ADGRL3: variants seen among roughly 807,000 people sequenced by gnomAD.
The protein encoded by ADGRL3 is calcium-independent alpha-latrotoxin receptor 3.
ADGRL3 carries 62 observed loss-of-function variants against 153.5 expected under a neutral mutation model. The ratio of observed to expected loss-of-function variants is 0.40; its 90% confidence interval spans 0.33 to 0.50. The LOEUF (loss-of-function observed/expected upper bound fraction) is 0.50. ADGRL3 is among the 20% of genes least tolerant of loss of function. ADGRL3 has a pLI of 0.47. For synonymous variants in ADGRL3, 710 were observed against 672.5 expected (o/e 1.06, Z -0.86); for missense variants, 1,641 against 1,859.4 (o/e 0.88, Z 2.16).
chr4:61,872,661 A>T (rs1416050517), intron 9 of ADGRL3, among the ~76,000 whole-genome samples: 1 of 151,664 alleles, frequency 6.6e-6, no homozygotes, highest in Non-Finnish European at 1.5e-5. Flanking sequence ...TGTTTAAAAA[A>T]AAAAAAAGAA....
At chr4:61,309,656 A>G (rs1393267671) in intron 1 of ADGRL3, among the ~76,000 whole-genome samples, 1 of 152,120 alleles carries the variant, frequency 6.6e-6, no homozygotes, top group African/African-American at 2.4e-5. Flanking sequence ...TTAGAGTCTT[A>G]ATTTTTAGAT....
intron 5 of ADGRL3, among the ~76,000 whole-genome samples, chr4:61,614,273 A>C (rs762640677): frequency 6.9e-4 from 105 of 152,276 alleles, no homozygotes; most frequent in Middle Eastern, 6.8e-3. Context: ...ACCTCAAAAA[A>C]ATTGAATTTA....
chr4:61,370,435 G>T (rs1271949336), intron 1 of ADGRL3, among the ~76,000 whole-genome samples: 7 of 151,650 alleles, frequency 4.6e-5, no homozygotes, highest in African/African-American at 1.7e-4. Context: ...TTGTGTCTTT[G>T]TTCTCGTTGG....
chr4:61,456,062 C>T (rs1029632298), intron 2 of ADGRL3, among the ~76,000 whole-genome samples: 5 of 151,806 alleles, frequency 3.3e-5, no homozygotes, highest in African/African-American at 7.3e-5. Context: ...GTTATCCACC[C>T]GCCTTGATCT....
At chr4:61,912,590 C>T in intron 12 of ADGRL3, 129 bp from the exon 13 acceptor site, 1 of 760,624 alleles carries the variant, frequency 1.3e-6, no homozygotes, top group Non-Finnish European at 2.1e-6. Context: ...CTTTCATTTT[C>T]TTCTGAAAAG....
chr4:61,231,984 T>C (rs1750848417), intron 1 of ADGRL3, among the ~76,000 whole-genome samples: 1 of 151,658 alleles, frequency 6.6e-6, no homozygotes, highest in Admixed American at 6.6e-5. Flanking sequence ...GAAGCATTAC[T>C]AGATAGATAA....
chr4:61,763,961 A>G (rs1184166188), intron 8 of ADGRL3, among the ~76,000 whole-genome samples: 1 of 152,182 alleles, frequency 6.6e-6, no homozygotes, highest in Non-Finnish European at 1.5e-5. Context: ...AATAACTCAG[A>G]ATACATAGCT....
At chr4:61,361,933 A>G (rs935382140) in intron 1 of ADGRL3, among the ~76,000 whole-genome samples, 1 of 150,764 alleles carries the variant, frequency 6.6e-6, no homozygotes, top group African/African-American at 2.4e-5. Context: ...GAACTGTAGT[A>G]TAACAGTTCT....
intron 2 of ADGRL3, among the ~76,000 whole-genome samples, chr4:61,411,126 G>A (rs908912370): frequency 1.3e-5 from 2 of 152,134 alleles, no homozygotes; most frequent in Non-Finnish European, 2.9e-5. Context: ...CATGATGTCA[G>A]CTCTGTCTAT....
chr4:61,719,001 A>G (rs1014324272), intron 6 of ADGRL3, among the ~76,000 whole-genome samples: 3 of 152,212 alleles, frequency 2.0e-5, no homozygotes, highest in Admixed American at 1.3e-4. Flanking sequence ...GAGGGAAAGC[A>G]TACTTTATGC....
chr4:61,392,778 T>C (rs1340143730), intron 2 of ADGRL3, among the ~76,000 whole-genome samples: 1 of 149,928 alleles, frequency 6.7e-6, no homozygotes, highest in Admixed American at 6.7e-5. Flanking sequence ...CTAACAAATT[T>C]GGTCATCTAG....
At chr4:61,921,604 C>A (rs2098769616) in intron 13 of ADGRL3, among the ~76,000 whole-genome samples, 1 of 152,134 alleles carries the variant, frequency 6.6e-6, no homozygotes, top group Non-Finnish European at 1.5e-5. Flanking sequence ...GACAGGGTTT[C>A]ACTATGTTGG....
rs1002509470 is a variant in ADGRL3, at chr4:62,074,083, A to AT, written c.*3181dup. The AT allele has an allele frequency of 1.4e-5, 2 of 147,590 alleles. No homozygotes were observed. Among genetic ancestry groups the AT allele is most frequent in the East Asian group, 3.9e-4 (2 of 5,148 alleles). 9.1% of individuals were successfully genotyped at this position (147,590 alleles called of 1,614,324 possible). On this transcript the variant is annotated 3_prime_UTR_variant, in exon 27 of 27. Coordinates refer to ENST00000683033, the MANE Select transcript of ADGRL3 (RefSeq NM_001387552.1). Reference sequence around the variant, plus strand: ...AGAGCTATTGATGAATTAATTAATGATTTTTTAATTGTTCTTTTTTCTACC... The same window carrying AT: ...AGAGCTATTGATGAATTAATTAATGATTTTTTTAATTGTTCTTTTTTCTACC...
intron 8 of ADGRL3, among the ~76,000 whole-genome samples, chr4:61,801,142 T>G (rs748059925): frequency 1.3e-5 from 2 of 152,162 alleles, no homozygotes; most frequent in Non-Finnish European, 2.9e-5. Context: ...GGCTCTTCTG[T>G]AAAGATAATC....
intron 2 of ADGRL3, among the ~76,000 whole-genome samples, chr4:61,402,502 A>C (rs1200089880): frequency 6.6e-6 from 1 of 152,116 alleles, no homozygotes; most frequent in Non-Finnish European, 1.5e-5. Context: ...TGGACAGATC[A>C]ACTTAAAAAT....
chr4:62,021,240 T>C lies in ADGRL3; in HGVS notation c.3396-7615T>C, dbSNP rs2099236771. Among the ~76,000 whole-genome samples, 3 of 152,238 alleles carry C rather than the reference T, an allele frequency of 2.0e-5. No homozygotes were observed. In the South Asian group the frequency reaches 6.2e-4, roughly 32 times the overall value. On this transcript the variant is annotated intron_variant, in intron 21 of 26. Coordinates refer to ENST00000683033, the MANE Select transcript of ADGRL3 (RefSeq NM_001387552.1). ...TATTTGCATAATTTTGTGTAGCAAATAAAACTACCAAGATCTTTTACTTGA... is the reference window on the plus strand; with the variant it reads ...TATTTGCATAATTTTGTGTAGCAAACAAAACTACCAAGATCTTTTACTTGA...
At chr4:61,318,193 C>CAAA (rs757545966) in intron 1 of ADGRL3, among the ~76,000 whole-genome samples, 583 of 48,310 alleles carry the variant, frequency 0.012, 9 homozygotes, top group African/African-American at 0.021. Flanking sequence ...GAACCTGTCT[C>CAAA]AAAAAAAAAA....
chr4:61,979,491 T>A, intron 17 of ADGRL3, 72 bp from the exon 18 acceptor site: 1 of 1,205,658 alleles, frequency 8.3e-7, no homozygotes, highest in Admixed American at 1.7e-5. Context: ...GCTTTGTGCA[T>A]CCAGGCCCTT....
chr4:62,039,058 A>G (rs1394913336), intron 24 of ADGRL3, among the ~76,000 whole-genome samples: 2 of 152,152 alleles, frequency 1.3e-5, no homozygotes, highest in Admixed American at 6.6e-5. Context: ...CAACCTATAT[A>G]TCTAATTATT....
Sources: gnomAD v4.1 joint callset for allele counts (sites outside exome capture counted in the v4.1 genomes callset) on GRCh38, gnomAD v4.1.1 for gene constraint, MANE v1.5 for transcripts, NCBI Gene and HGNC (gene_info 2026-07-23, HGNC 2026-07-21) for gene names.